Variants in ZNF705A observed in about 807,000 individuals in gnomAD.
ZNF705A encodes zinc finger protein 705A.
ZNF705A carries 8 observed loss-of-function variants against 16.6 expected under a neutral mutation model. The ratio of observed to expected loss-of-function variants is 0.48; its 90% CI spans 0.28 to 0.87. The LOEUF is 0.87. Ranked by LOEUF, ZNF705A falls within the 40% of genes least tolerant of loss-of-function variation. The pLI is 0.10. For missense variants in ZNF705A, 233 were observed against 359.9 expected, an observed-to-expected ratio of 0.65 and a Z score of 2.85; for synonymous variants, 73 against 117.3, an observed-to-expected ratio of 0.62 and a Z score of 2.44.
At chr12:8,171,366 C>T (rs1035235204), upstream of ZNF705A, among the ~76,000 whole-genome samples, 1 of 152,182 alleles carries the variant, frequency 6.6e-6, no homozygotes, top group Non-Finnish European at 1.5e-5. Flanking sequence ...TTCATATAAA[C>T]ATATGCACCT....
chr12:8,165,577 A>G (rs1386496517), intron 1 of ZNF705A, among the ~76,000 whole-genome samples: 3 of 150,172 alleles, frequency 2.0e-5, no homozygotes, highest in Non-Finnish European at 4.4e-5. Context: ...AGGTTTTTAC[A>G]TTGGCACATT....
At chr12:8,159,684 T>C (rs1948337728) in intron 1 of ZNF705A, among the ~76,000 whole-genome samples, 1 of 152,118 alleles carries the variant, frequency 6.6e-6, no homozygotes, top group Non-Finnish European at 1.5e-5. Flanking sequence ...GTTTGTTCTT[T>C]TCTTACTGAT....
At chr12:8,177,170 C>G (rs763599114) in exon 5 of ZNF705A, 1 of 1,611,938 alleles carries the variant, frequency 6.2e-7, no homozygotes, top group Admixed American at 1.7e-5. Flanking sequence ...ACCACATAAA[C>G]AAATTCATAC....
chr12:8,174,555 G>A, intron 2 of ZNF705A, 103 bp downstream of exon 3: 2 of 1,589,248 alleles, frequency 1.3e-6, no homozygotes, highest in Non-Finnish European at 1.7e-6. Flanking sequence ...TCTCTTCTCT[G>A]CTTCTCTCAC....
intron 4 of ZNF705A, among the ~76,000 whole-genome samples, chr12:8,176,332 A>G (rs1441236886): frequency 6.6e-6 from 1 of 152,224 alleles, no homozygotes; most frequent in Admixed American, 6.5e-5. Flanking sequence ...TATTTGCCAA[A>G]GTTAAGGACA....
chr12:8,167,133 G>GT (rs1948405674), intron 1 of ZNF705A, among the ~76,000 whole-genome samples: 1 of 152,070 alleles, frequency 6.6e-6, no homozygotes, highest in Non-Finnish European at 1.5e-5. Flanking sequence ...TTGTTTTCAA[G>GT]TCCAGTTTAC....
upstream of ZNF705A, among the ~76,000 whole-genome samples, chr12:8,170,489 CTTA>C (rs1026401458): frequency 3.0e-4 from 46 of 152,178 alleles, no homozygotes; most frequent in African/African-American, 1.1e-3. Context: ...CTTTAACTTT[CTTA>C]TAATATTTGT....
At chr12:8,164,686 T>G (rs929552823) in intron 1 of ZNF705A, among the ~76,000 whole-genome samples, 17 of 152,232 alleles carry the variant, frequency 1.1e-4, no homozygotes, top group Non-Finnish European at 1.9e-4. Flanking sequence ...TATGGCTGCA[T>G]AGTATTCCAT....
At chr12:8,168,887 G>T (rs1948421314), upstream of ZNF705A, 1 of 152,024 alleles carries the variant, frequency 6.6e-6, no homozygotes, top group Non-Finnish European at 1.5e-5. Flanking sequence ...CCTTATTGAG[G>T]TAAGTACTTA....
intron 1 of ZNF705A, among the ~76,000 whole-genome samples, chr12:8,165,498 G>T: frequency 9.9e-6 from 1 of 101,162 alleles, no homozygotes. Flanking sequence ...GTTTCATCGT[G>T]TTAGCCAGAT....
At chr12:8,177,056 A>G (rs10743251) in exon 5 of ZNF705A, 851,509 of 1,559,028 alleles carry the variant, frequency 0.55, 241,377 homozygotes, top group Non-Finnish European at 0.57. Flanking sequence ...AGAAGATTGC[A>G]CTCACAGTTC....
chr12:8,174,794 A>G (rs755071251), intron 2 of ZNF705A, among the ~76,000 whole-genome samples: 5 of 152,218 alleles, frequency 3.3e-5, no homozygotes, highest in Admixed American at 6.5e-5. Flanking sequence ...GCTTTAGTCT[A>G]TGCTTAGGCT....
At position 8,175,849 on chromosome 12, in the gene ZNF705A, A is replaced by T; in HGVS notation, c.236-11A>T. 6.2e-7 allele frequency: 1 copy of T among 1,611,298 alleles called. No individual in the cohort carries two copies. On this transcript the variant is annotated splice_polypyrimidine_tract_variant and intron_variant, in intron 3 of 4. Transcript: ENST00000359286. The stretch of plus-strand genomic sequence containing the variant: ...ATACCAATGTAACAATTTATTTTTC[A>T]ATTATTTCAGACAGGGAAAGTGCCC...
intron 1 of ZNF705A, among the ~76,000 whole-genome samples, chr12:8,166,742 A>G (rs1310938222): frequency 1.3e-5 from 2 of 152,208 alleles, no homozygotes; most frequent in African/African-American, 2.4e-5. Context: ...GGCCCAAACT[A>G]TGTCTGGGGC....
intron 1 of ZNF705A, among the ~76,000 whole-genome samples, chr12:8,165,278 ATTTTTT>A (rs36022408): frequency 1.1e-5 from 1 of 94,508 alleles, no homozygotes; most frequent in Admixed American, 1.3e-4. Flanking sequence ...ATCTTTGCCC[ATTTTTT>A]TTTTTTTTTT....
chr12:8,161,022 G>A (rs996859032), intron 1 of ZNF705A, among the ~76,000 whole-genome samples: 1 of 152,156 alleles, frequency 6.6e-6, no homozygotes, highest in Non-Finnish European at 1.5e-5. Flanking sequence ...TTTGCTGAGA[G>A]TTTTAATCAT....
intron 1 of ZNF705A, among the ~76,000 whole-genome samples, chr12:8,165,367 C>G (rs2120706376): frequency 6.8e-6 from 1 of 147,624 alleles, no homozygotes; most frequent in African/African-American, 2.5e-5. Context: ...ACTGCAAGCT[C>G]CACCTCCCAG....
chr12:8,159,926 A>G (rs995152125), intron 1 of ZNF705A, among the ~76,000 whole-genome samples: 4 of 152,096 alleles, frequency 2.6e-5, no homozygotes, highest in African/African-American at 9.7e-5. Context: ...GGTTTTTTCA[A>G]TGCTATTTTC....
upstream of ZNF705A, among the ~76,000 whole-genome samples, chr12:8,171,846 C>A (rs184994193): frequency 1.3e-5 from 2 of 152,264 alleles, no homozygotes; most frequent in Admixed American, 1.3e-4. Flanking sequence ...AAGAGATTCT[C>A]CTGCTTCAGC....
Sources: gnomAD v4.1 joint callset for allele counts (sites outside exome capture counted in the v4.1 genomes callset) on GRCh38, gnomAD v4.1.1 for gene constraint, MANE v1.5 for transcripts, NCBI Gene and HGNC (gene_info 2026-07-23, HGNC 2026-07-21) for gene names.